NNAT: variants seen among roughly 807,000 people sequenced by gnomAD.
NNAT encodes the protein neuronatin.
NNAT carries 8 observed loss-of-function variants against 12.7 expected under a neutral mutation model. That is an observed-to-expected ratio of 0.63 (90% CI 0.37 to 1.14). NNAT has a LOEUF of 1.14. NNAT is among the 50% of genes most tolerant of loss of function. The pLI is 0.01. For synonymous variants in NNAT, 52 were observed against 48.5 expected (o/e 1.07, Z -0.30); for missense variants, 94 against 108.3 (o/e 0.87, Z 0.59).
In NNAT at chr20:37,523,055, G is replaced by T. The variant is rs1020959222; in HGVS notation, c.*296G>T. 5 of 365,448 alleles carry T rather than the reference G, an allele frequency of 1.4e-5. No individual in the cohort carries two copies. Among genetic ancestry groups the T allele is most frequent in the Admixed American group, 8.9e-5 (2 of 22,410 alleles). 22.6% of individuals were successfully genotyped at this position (365,448 alleles called of 1,614,324 possible). ...GATCTGGGCATAGGCACCGCATTCT[G>T]ATCTGGACAAAGTCGGGACAGCACC... is the stretch of plus-strand genomic sequence containing the variant. On this transcript the variant is annotated 3_prime_UTR_variant, in exon 3 of 3. Transcript: ENST00000649451.
rs762794212 is a variant in NNAT at position 37,521,305 on chromosome 20, G to A, written c.-27G>A. The A allele has an allele frequency of 1.5e-5, 24 of 1,612,264 alleles. No individual in the cohort carries two copies. Among genetic ancestry groups the A allele is most frequent in the South Asian group, 1.2e-4 (11 of 91,004 alleles). On this transcript the variant is annotated 5_prime_UTR_variant, in exon 1 of 3. Transcript: ENST00000649451. The surrounding 1 kb of genome is among the most constrained non-coding windows in gnomAD (Gnocchi z 4.5). ...CGGATCTCGGCAAACCCTCTTTCTCGACCACCCACCTACCATTCTTGGAAC... is the reference window on the plus strand; with the variant it reads ...CGGATCTCGGCAAACCCTCTTTCTCAACCACCCACCTACCATTCTTGGAAC...
intron 1 of NNAT, among the ~76,000 whole-genome samples, 172 bp from the exon 2 acceptor site, chr20:37,522,186 A>AT (rs1291569182): frequency 3.1e-4 from 5 of 16,380 alleles, no homozygotes; most frequent in South Asian, 5.9e-3. Context: ...TTTACAAAAA[A>AT]AAAAATAATA....
chr20:37,521,905 C>CAA lies in NNAT; in HGVS notation c.73-442_73-441dup, dbSNP rs113961648. Among the ~76,000 whole-genome samples, 17 of 110,318 alleles carry CAA rather than the reference C, an allele frequency of 1.5e-4. No individual in the cohort carries two copies. In the East Asian group the frequency reaches 1.7e-3, roughly 11 times the overall value. The allele number at this position is 110,318 out of a possible 152,430, so 72.4% of individuals were successfully genotyped here. ...CTCAGAAAAAATAAAAATTACTTCGCAAAAAAAAAAAACCCTACAACGAAT... is the reference window on the plus strand; with the variant it reads ...CTCAGAAAAAATAAAAATTACTTCGCAAAAAAAAAAAAAACCCTACAACGAAT... On this transcript the variant is annotated intron_variant, in intron 1 of 2. Coordinates refer to ENST00000649451, the MANE Select transcript of NNAT (RefSeq NM_005386.4). The surrounding 1 kb of genome is among the most constrained non-coding windows in gnomAD (Gnocchi z 4.5).
Position 37,522,865 on chromosome 20 carries a change from C to A in NNAT, c.*106C>A. 1 of 1,033,090 alleles carries A rather than the reference C, an allele frequency of 9.7e-7. No homozygotes were observed. The highest frequency in any genetic ancestry group is 1.4e-6 in the Non-Finnish European group (1 of 722,556). The allele number at this position is 1,033,090 out of a possible 1,614,324, so 64.0% of individuals were successfully genotyped here. On this transcript the variant is annotated 3_prime_UTR_variant, in exon 3 of 3. Transcript: ENST00000649451. ...AGGAATGTGGGGTCCCCTGTGTTCC[C>A]TCGCCAGAGGAGCACTTGGCAAGGT...
chr20:37,522,598 G>GGGGGGGGGGGGGGCC, intron 2 of NNAT, 69 bp from the exon 3 acceptor site: 1 of 864,460 alleles, frequency 1.2e-6, no homozygotes, highest in South Asian at 1.5e-5. Context: ...GCGGGGGTGG[G>GGGGGGGGGGGGGGCC]CACGGCAGCA....
At position 37,521,288 on chromosome 20, in the gene NNAT, G is replaced by T. The variant is rs562077608; in HGVS notation, c.-44G>T. On this transcript the variant is annotated 5_prime_UTR_variant, in exon 1 of 3. Transcript: ENST00000649451. This position sits in a 1 kb window ranked among gnomAD's most constrained non-coding sequence, Gnocchi z 4.5. Reference sequence around the variant, plus strand: ...GCGGACTCCGAGACCAGCGGATCTCGGCAAACCCTCTTTCTCGACCACCCA... The same window carrying T: ...GCGGACTCCGAGACCAGCGGATCTCTGCAAACCCTCTTTCTCGACCACCCA... 6.2e-7 allele frequency: 1 copy of T among 1,605,484 alleles called. No homozygotes were observed. The highest frequency in any genetic ancestry group is 8.5e-7 in the Non-Finnish European group (1 of 1,172,346).
Position 37,522,811 on chromosome 20 carries a change from C to A in NNAT, c.*52C>A. ...CGTATCATCAGGTGCTCCTGTGCAT[C>A]TCGGCCAGCACGGGAGCCAGTGCCG... On this transcript the variant is annotated 3_prime_UTR_variant, in exon 3 of 3. Coordinates refer to ENST00000649451, the MANE Select transcript of NNAT (RefSeq NM_005386.4). The A allele has an allele frequency of 6.7e-7, 1 of 1,491,510 alleles. No individual in the cohort carries two copies. Among genetic ancestry groups the A allele is most frequent in the Non-Finnish European group, 9.1e-7 (1 of 1,102,712 alleles). 92.4% of individuals were successfully genotyped at this position (1,491,510 alleles called of 1,614,324 possible).
chr20:37,522,641 G>A (rs771951737), intron 2 of NNAT, 26 bp from the exon 3 acceptor site: 13 of 1,596,936 alleles, frequency 8.1e-6, no homozygotes, highest in Non-Finnish European at 1.1e-5. Context: ...CTCCACTAAG[G>A]GTGGGTCCTG....
chr20:37,521,618 AG>A lies in NNAT; in HGVS notation c.72+218del, dbSNP rs2071578276. The A allele has an allele frequency of 3.5e-6, 2 of 564,874 alleles. No individual in the cohort carries two copies. The highest frequency in any genetic ancestry group is 6.1e-5 in the East Asian group (2 of 32,818). The allele number at this position is 564,874 out of a possible 1,614,324, so 35.0% of individuals were successfully genotyped here. A position where few individuals can be genotyped will look rare whatever the true frequency, so the allele number is the denominator to read the frequency against. Reference sequence around the variant, plus strand: ...CCTCCCTAGTGCGCCCGCGCCTGCCAGGGAACAAAGACTCGGGGCGCGGCGG... The same window carrying A: ...CCTCCCTAGTGCGCCCGCGCCTGCCAGGAACAAAGACTCGGGGCGCGGCGG... On this transcript the variant is annotated intron_variant, in intron 1 of 2. Coordinates refer to ENST00000649451, the MANE Select transcript of NNAT (RefSeq NM_005386.4). This position sits in a 1 kb window ranked among gnomAD's most constrained non-coding sequence, Gnocchi z 4.5.
chr20:37,522,198 T>TG (rs2071607543), intron 1 of NNAT, among the ~76,000 whole-genome samples, 160 bp from the exon 2 acceptor site: 1 of 144,926 alleles, frequency 6.9e-6, no homozygotes, highest in South Asian at 2.2e-4. Flanking sequence ...AAAATAATAA[T>TG]AAAAAAAATA....
At position 37,522,801 on chromosome 20, in the gene NNAT, T is replaced by A; in HGVS notation, c.*42T>A. On this transcript the variant is annotated 3_prime_UTR_variant, in exon 3 of 3. Transcript: ENST00000649451. ...CCTGGGCGGCCGTATCATCAGGTGC[T>A]CCTGTGCATCTCGGCCAGCACGGGA... The A allele has an allele frequency of 6.6e-7, 1 of 1,523,444 alleles. No individual in the cohort carries two copies. Among genetic ancestry groups the A allele is most frequent in the East Asian group, 2.4e-5 (1 of 41,702 alleles). 94.4% of individuals were successfully genotyped at this position (1,523,444 alleles called of 1,614,324 possible).
At position 37,522,726 on chromosome 20, in the gene NNAT, G is replaced by T. The variant is rs1262992068; in HGVS notation, c.213G>T (p.Val71=). The T allele has an allele frequency of 4.3e-6, 7 of 1,611,048 alleles. No homozygotes were observed. In the South Asian group the frequency reaches 5.5e-5, roughly 13 times the overall value. Residue 71 remains valine, a synonymous_variant, in exon 3 of 3, where the codon GTG becomes GTT. Transcript: ENST00000649451. ...AYTVSRTGRQ[V]LGERRQRAPN ...CGGTGTCGCGGACCGGGCGGCAGGT[G>T]TTGGGGGAGCGCAGGCAGCGAGCCC... is the stretch of plus-strand genomic sequence containing the variant.
chr20:37,522,069 A>G (rs1262219031), intron 1 of NNAT, among the ~76,000 whole-genome samples: 5 of 151,620 alleles, frequency 3.3e-5, no homozygotes, highest in African/African-American at 1.2e-4. Flanking sequence ...AGCTAACGGA[A>G]AAAAATGGAT....
At chr20:37,522,180 C>CAAA (rs34619095) in intron 1 of NNAT, among the ~76,000 whole-genome samples, 178 bp from the exon 2 acceptor site, 22 of 104,790 alleles carry the variant, frequency 2.1e-4, no homozygotes, top group African/African-American at 4.1e-4. Context: ...AATTGCTTTA[C>CAAA]AAAAAAAAAA....
Position 37,521,672 on chromosome 20 carries a change from A to AT in NNAT, c.72+272dup. On this transcript the variant is annotated intron_variant, in intron 1 of 2. Coordinates refer to ENST00000649451, the MANE Select transcript of NNAT (RefSeq NM_005386.4). The surrounding 1 kb of genome is among the most constrained non-coding windows in gnomAD (Gnocchi z 4.5). ...GACCGCTGCGGACGATCACCCAGGC[A>AT]TTTAGCGACCTACGCGGTAAGAAAA... 4.2e-6 allele frequency: 2 copies of AT among 475,162 alleles called. No homozygotes were observed. The highest frequency in any genetic ancestry group is 7.6e-6 in the Non-Finnish European group (2 of 262,902). 29.4% of individuals were successfully genotyped at this position (475,162 alleles called of 1,614,324 possible). A position where few individuals can be genotyped will look rare whatever the true frequency, so the allele number is the denominator to read the frequency against.
In NNAT at chr20:37,521,523, C is replaced by G; in HGVS notation, c.72+120C>G. ...CCTATTCCGATTGCCGCGATCCTTGCCTGCCCAAGTGCCGCTGCCGGCACC... is the reference window on the plus strand; with the variant it reads ...CCTATTCCGATTGCCGCGATCCTTGGCTGCCCAAGTGCCGCTGCCGGCACC... On this transcript the variant is annotated intron_variant, in intron 1 of 2. Coordinates refer to ENST00000649451, the MANE Select transcript of NNAT (RefSeq NM_005386.4). This position sits in a 1 kb window ranked among gnomAD's most constrained non-coding sequence, Gnocchi z 4.5. The G allele has an allele frequency of 9.6e-7, 1 of 1,042,890 alleles. No homozygotes were observed. The highest frequency in any genetic ancestry group is 1.5e-6 in the Non-Finnish European group (1 of 684,198). 64.6% of individuals were successfully genotyped at this position (1,042,890 alleles called of 1,614,324 possible). A position where few individuals can be genotyped will look rare whatever the true frequency, so the allele number is the denominator to read the frequency against.
Position 37,523,013 on chromosome 20 carries a change from G to T in NNAT, c.*254G>T, listed in dbSNP as rs1478815816. 1.8e-5 allele frequency: 8 copies of T among 456,268 alleles called. No homozygotes were observed. The highest frequency in any genetic ancestry group is 3.9e-5 in the Admixed American group (1 of 25,764). 28.3% of individuals were successfully genotyped at this position (456,268 alleles called of 1,614,324 possible). A position where few individuals can be genotyped will look rare whatever the true frequency, so the allele number is the denominator to read the frequency against. ...AGGGTCGAGAGAGGAGGGGGGATAG[G>T]GGGAGCAGACCCCTGAGATCTGGGC... On this transcript the variant is annotated 3_prime_UTR_variant, in exon 3 of 3. Transcript: ENST00000649451.
In NNAT at chr20:37,522,872, G is replaced by C. The variant is rs910447109; in HGVS notation, c.*113G>C. ...TGGGGTCCCCTGTGTTCCCTCGCCA[G>C]AGGAGCACTTGGCAAGGTCAGTGAG... On this transcript the variant is annotated 3_prime_UTR_variant, in exon 3 of 3. Coordinates refer to ENST00000649451, the MANE Select transcript of NNAT (RefSeq NM_005386.4). The C allele has an allele frequency of 4.2e-6, 4 of 948,604 alleles. No individual in the cohort carries two copies. The East Asian group carries it at 8.1e-5, about 19-fold the overall frequency. 58.8% of individuals were successfully genotyped at this position (948,604 alleles called of 1,614,324 possible).
chr20:37,522,824 G>A lies in NNAT; in HGVS notation c.*65G>A. On this transcript the variant is annotated 3_prime_UTR_variant, in exon 3 of 3. Transcript: ENST00000649451. The stretch of plus-strand genomic sequence containing the variant: ...GCTCCTGTGCATCTCGGCCAGCACG[G>A]GAGCCAGTGCCGCGCAGGAATGTGG... The A allele has an allele frequency of 9.7e-6, 14 of 1,442,768 alleles. No individual in the cohort carries two copies. The highest frequency in any genetic ancestry group is 1.3e-5 in the Non-Finnish European group (14 of 1,067,200). The allele number at this position is 1,442,768 out of a possible 1,614,324, so 89.4% of individuals were successfully genotyped here.
Sources: allele counts gnomAD v4.1 joint callset (sites outside exome capture counted in the v4.1 genomes callset), GRCh38; gene constraint gnomAD v4.1.1; non-coding constraint Gnocchi (gnomAD v3.1); transcripts MANE v1.5; gene names NCBI Gene and HGNC (gene_info 2026-07-23, HGNC 2026-07-21).